The following TMLHE variants were observed in gnomAD, a reference collection of about 807,000 sequenced individuals.
The protein encoded by TMLHE is trimethyllysine hydroxylase, epsilon, also known as trimethyllysine dioxygenase, mitochondrial.
Under a neutral mutation model 25.7 loss-of-function variants are expected in TMLHE, and 18 were observed. That is an observed-to-expected ratio of 0.70 (90% confidence interval 0.48 to 1.04). The LOEUF is 1.04. TMLHE is among the 50% of genes least tolerant of loss of function. TMLHE has a pLI of 0.00. For synonymous variants in TMLHE, 105 were observed against 97.0 expected, an observed-to-expected ratio of 1.08 and a Z score of -0.49; for missense variants, 236 against 259.0, an observed-to-expected ratio of 0.91 and a Z score of 0.61.
intron 1 of TMLHE, among the ~76,000 whole-genome samples, chrX:155,585,416 A>AAC (rs56160372): frequency 0.091 from 8,812 of 96,543 alleles, 639 homozygotes; most frequent in African/African-American, 0.24. Flanking sequence ...CACACACACA[A>AAC]ACACACACAC....
intron 1 of TMLHE, among the ~76,000 whole-genome samples, chrX:155,607,527 A>G (rs1210636059): frequency 1.8e-5 from 2 of 110,454 alleles, no homozygotes; most frequent in Non-Finnish European, 3.8e-5. Context: ...AAGGATGCCC[A>G]CTCTCAACAT....
chrX:155,555,351 T>C (rs2067443764), intron 1 of TMLHE, among the ~76,000 whole-genome samples: 1 of 110,760 alleles, frequency 9.0e-6, no homozygotes, highest in Admixed American at 9.6e-5. Flanking sequence ...TGTGCATGTG[T>C]CTTTATAGCA....
chrX:155,522,034 C>G (rs1233256357), intron 3 of TMLHE, among the ~76,000 whole-genome samples: 1 of 111,504 alleles, frequency 9.0e-6, no homozygotes, highest in Non-Finnish European at 1.9e-5. Flanking sequence ...ATTCGGCCAT[C>G]TTGGCTCCTC....
rs1557331754 is a variant in TMLHE, at chrX:155,491,587, A to T, written c.1214T>A (p.Leu405Ter). 2.6e-6 allele frequency: 1 copy of T among 380,188 alleles called. No individual in the cohort carries two copies. Among genetic ancestry groups the T allele is most frequent in the African/African-American group, 4.0e-5 (1 of 25,171 alleles). 31.3% of individuals were successfully genotyped at this position (380,188 alleles called of 1,213,427 possible). Reference sequence around the variant, plus strand: ...AGTGTTTAATACATCATCTCTTGTTAAATAGCAGCCACACAGTTGGCGGTA... The same window carrying T: ...AGTGTTTAATACATCATCTCTTGTTTAATAGCAGCCACACAGTTGGCGGTA... ...TGYRQLCGCY[L>*]TRDDVLNTAR... The change falls in exon 8 of 8, where the codon TTA becomes TAA. Residue 405 changes from leucine to a stop codon, truncating the protein, a stop_gained. Coordinates refer to ENST00000334398, the MANE Select transcript of TMLHE (RefSeq NM_018196.4). LOFTEE classifies it high-confidence loss of function.
chrX:155,556,067 C>G (rs1054010243), intron 1 of TMLHE, among the ~76,000 whole-genome samples: 1 of 109,419 alleles, frequency 9.1e-6, no homozygotes, highest in African/African-American at 3.3e-5. Context: ...AGACTTGAAG[C>G]AAGAAAGGGA....
intron 3 of TMLHE, among the ~76,000 whole-genome samples, chrX:155,515,672 G>A (rs1557334738): frequency 9.0e-6 from 1 of 111,344 alleles, no homozygotes; most frequent in Non-Finnish European, 1.9e-5. Flanking sequence ...GGTAACTAAA[G>A]TGGAACTGCT....
chrX:155,585,442 CACACACACACAT>C (rs2067658492), intron 1 of TMLHE, among the ~76,000 whole-genome samples: 1 of 110,396 alleles, frequency 9.1e-6, no homozygotes, highest in African/African-American at 3.3e-5. Flanking sequence ...CACACACACA[CACACACACACAT>C]ATATATATGC....
intron 1 of TMLHE, among the ~76,000 whole-genome samples, chrX:155,556,701 T>C (rs2067458853): frequency 1.8e-5 from 2 of 109,969 alleles, no homozygotes. Flanking sequence ...TAACATCTTA[T>C]CAGGGGACAG....
At chrX:155,584,763 G>A (rs183258937) in intron 1 of TMLHE, among the ~76,000 whole-genome samples, 3 of 111,146 alleles carry the variant, frequency 2.7e-5, no homozygotes, top group Admixed American at 1.9e-4. Flanking sequence ...ACTATCCCCA[G>A]CAACGTTTTC....
At chrX:155,527,263 T>C (rs1391797838) in intron 2 of TMLHE, among the ~76,000 whole-genome samples, 3 of 111,578 alleles carry the variant, frequency 2.7e-5, no homozygotes, top group African/African-American at 9.8e-5. Flanking sequence ...CTAATGATAG[T>C]GAGTTCTCAT....
chrX:155,598,558 G>T (rs898012962), intron 1 of TMLHE, among the ~76,000 whole-genome samples: 1 of 79,900 alleles, frequency 1.3e-5, no homozygotes, highest in Non-Finnish European at 2.4e-5. Flanking sequence ...GTTGTGGGGT[G>T]GGGGGAGGGG....
At position 155,553,112 on chromosome X, in the gene TMLHE, C is replaced by T. The variant is rs782482687; in HGVS notation, c.-1-7835G>A. 1.3e-3 allele frequency among the ~76,000 whole-genome samples: 145 copies of T among 110,768 alleles called. 5 individuals carry two copies. Among genetic ancestry groups the T allele is most frequent in the African/African-American group, 4.7e-3 (142 of 30,382 alleles). The stretch of plus-strand genomic sequence containing the variant: ...TTGAGATTTGCTTTATGGCTCAACA[C>T]ATCACGTATTTTTCTATGTGCAGAA... On this transcript the variant is annotated intron_variant, in intron 1 of 7. Transcript: ENST00000334398.
chrX:155,494,650 AAAAAAAAG>A (rs1456427758), intron 6 of TMLHE, among the ~76,000 whole-genome samples: 2 of 4,197 alleles, frequency 4.8e-4, no homozygotes, highest in South Asian at 0.018. Flanking sequence ...CAAAGAAAAA[AAAAAAAAG>A]AAAGAAAGAA....
At chrX:155,527,060 T>C (rs782267545) in intron 2 of TMLHE, among the ~76,000 whole-genome samples, 19 of 112,087 alleles carry the variant, frequency 1.7e-4, no homozygotes, top group Non-Finnish European at 3.6e-4. Flanking sequence ...TAGGAGACCG[T>C]TGGAAGGCGT....
In TMLHE at chrX:155,489,859, GGCTCT is replaced by G. The variant is rs2075357410; in HGVS notation, c.*1671_*1675del. 8.4e-5 allele frequency among the ~76,000 whole-genome samples: 1 copy of G among 11,903 alleles called. No individual in the cohort carries two copies. Among genetic ancestry groups the G allele is most frequent in the African/African-American group, 2.9e-4 (1 of 3,423 alleles). 10.3% of individuals were successfully genotyped at this position (11,903 alleles called of 115,157 possible). On this transcript the variant is annotated 3_prime_UTR_variant, in exon 8 of 8. Coordinates refer to ENST00000334398, the MANE Select transcript of TMLHE (RefSeq NM_018196.4). Reference sequence around the variant, plus strand: ...GGAACTCCCTGCAAACATCAGATTAGGCTCTATTCTCTATCTGAATACTGACTTTG... The same window carrying G: ...GGAACTCCCTGCAAACATCAGATTAGATTCTCTATCTGAATACTGACTTTG...
In TMLHE at chrX:155,547,711, G is replaced by T. The variant is rs1359749232; in HGVS notation, c.-1-2434C>A. On this transcript the variant is annotated intron_variant, in intron 1 of 7. Transcript: ENST00000334398. ...TTTATATTAACTTAAAAATAAAACT[G>T]ATTGTAAAAAAAAAAAAAGATGGGA... Among the ~76,000 whole-genome samples the T allele has an allele frequency of 7.5e-4, 78 of 104,378 alleles. 1 individual carries two copies. Among genetic ancestry groups the T allele is most frequent in the Non-Finnish European group, 1.4e-3 (69 of 49,906 alleles). The allele number at this position is 104,378 out of a possible 115,157, so 90.6% of individuals were successfully genotyped here.
chrX:155,552,831 T>C (rs978555318), intron 1 of TMLHE, among the ~76,000 whole-genome samples: 1 of 108,649 alleles, frequency 9.2e-6, no homozygotes, highest in Admixed American at 9.7e-5. Context: ...TTTCCTCTTT[T>C]GTGGAATATG....
chrX:155,603,692 AATG>A (rs1557347578), intron 1 of TMLHE, among the ~76,000 whole-genome samples: 1 of 112,306 alleles, frequency 8.9e-6, no homozygotes. Flanking sequence ...TTTTTCAACA[AATG>A]ATGATAGTAC....
chrX:155,591,699 A>T (rs2067694797), intron 1 of TMLHE, among the ~76,000 whole-genome samples: 1 of 111,792 alleles, frequency 8.9e-6, no homozygotes, highest in Admixed American at 9.5e-5. Flanking sequence ...TAAAGATAAC[A>T]AGTGTGGTAA....
Sources: allele counts gnomAD v4.1 joint callset (sites outside exome capture counted in the v4.1 genomes callset), GRCh38; gene constraint gnomAD v4.1.1; transcripts MANE v1.5; gene names NCBI Gene and HGNC (gene_info 2026-07-23, HGNC 2026-07-21).